SLC13A1: variants seen among roughly 807,000 people sequenced by gnomAD.
SLC13A1 encodes Na(+)/sulfate cotransporter.
SLC13A1 carries 65 observed loss-of-function variants against 70.0 expected under a neutral mutation model. The ratio of observed to expected loss-of-function variants is 0.93; its 90% confidence interval spans 0.76 to 1.14. The LOEUF is 1.14. Among genes scored for constraint, SLC13A1 ranks in the 50% most tolerant of loss-of-function variants. The probability of loss-of-function intolerance (pLI) is 0.00; values close to 1 mark genes in which losing one functional copy is unlikely to be tolerated. For missense variants in SLC13A1, 726 were observed against 717.8 expected, an observed-to-expected ratio of 1.01 and a Z score of -0.13; for synonymous variants, 275 against 250.5, an observed-to-expected ratio of 1.10 and a Z score of -0.92.
chr7:123,173,831 G>A (rs1487513583), intron 2 of SLC13A1, among the ~76,000 whole-genome samples: 2 of 152,070 alleles, frequency 1.3e-5, no homozygotes, highest in Non-Finnish European at 2.9e-5. Flanking sequence ...CAATGAATAA[G>A]CTATGGTCTC....
chr7:123,148,955 G>A (rs769690217), intron 6 of SLC13A1, among the ~76,000 whole-genome samples: 3 of 152,148 alleles, frequency 2.0e-5, no homozygotes, highest in Non-Finnish European at 4.4e-5. Flanking sequence ...AATGGTATTA[G>A]TACTTTCCAG....
At chr7:123,117,688 T>C in intron 13 of SLC13A1, 80 bp from the exon 14 acceptor site, 2 of 824,084 alleles carry the variant, frequency 2.4e-6, no homozygotes, top group Non-Finnish European at 3.7e-6. Context: ...AGTATTACAA[T>C]AAGCCTTCCC....
At chr7:123,138,377 A>T (rs1332425416) in intron 7 of SLC13A1, among the ~76,000 whole-genome samples, 1 of 152,200 alleles carries the variant, frequency 6.6e-6, no homozygotes, top group Non-Finnish European at 1.5e-5. Context: ...TGCAACAAAC[A>T]TGGGAGTGCA....
intron 6 of SLC13A1, among the ~76,000 whole-genome samples, chr7:123,161,920 A>G (rs1341280947): frequency 6.6e-6 from 1 of 151,956 alleles, no homozygotes; most frequent in Non-Finnish European, 1.5e-5. Context: ...ACATTATCTT[A>G]TTTTGTTATT....
At chr7:123,174,101 T>C (rs1028529585) in intron 2 of SLC13A1, among the ~76,000 whole-genome samples, 2 of 152,046 alleles carry the variant, frequency 1.3e-5, no homozygotes, top group African/African-American at 2.4e-5. Flanking sequence ...ATAGTCTTTA[T>C]AGTCTCCTTG....
At chr7:123,189,122 AAAAAAAAAAAG>A (rs1468546455) in intron 1 of SLC13A1, among the ~76,000 whole-genome samples, 2 of 150,342 alleles carry the variant, frequency 1.3e-5, no homozygotes, top group Non-Finnish European at 3.0e-5. Flanking sequence ...CTCAAAAAAA[AAAAAAAAAAAG>A]AAAGAAAATC....
chr7:123,116,316 G>A (rs114273173), intron 14 of SLC13A1, among the ~76,000 whole-genome samples: 252 of 152,178 alleles, frequency 1.7e-3, no homozygotes, highest in African/African-American at 5.8e-3. Flanking sequence ...ATTTGTTTTG[G>A]TAAATAAAGT....
rs28364197 is a variant in SLC13A1 at position 123,169,221 on chromosome 7, A to G, written c.480T>C (p.Asn160=). 2.7e-4 allele frequency: 432 copies of G among 1,613,934 alleles called. 3 individuals carry two copies. Among genetic ancestry groups the G allele is most frequent in the Non-Finnish European group, 4.9e-5 (58 of 1,179,994 alleles). The change falls in exon 4 of 15, where the codon AAT becomes AAC. Residue 160 remains asparagine (N), a synonymous_variant. Transcript: ENST00000194130. The stretch of plus-strand genomic sequence containing the variant: ...GAGTGGCCTCGACCTCTGCTTCTGC[A>G]TTGATGATCTGCTGCACTACAGCCT... The part of the protein sequence containing the change: ...IAEAVVQQII[N]AEAEVEATQM...
chr7:123,156,555 G>A (rs1794723695), intron 6 of SLC13A1, among the ~76,000 whole-genome samples: 1 of 152,100 alleles, frequency 6.6e-6, no homozygotes. Context: ...TGGTCTGCAT[G>A]TTGAGTTTAA....
chr7:123,149,766 A>T (rs1794491125), intron 6 of SLC13A1: 1 of 394,732 alleles, frequency 2.5e-6, no homozygotes, highest in African/African-American at 2.1e-5. Flanking sequence ...CTGTTGAATT[A>T]ATTCTATCTC....
intron 2 of SLC13A1, among the ~76,000 whole-genome samples, chr7:123,178,464 T>G (rs1476292847): frequency 6.6e-6 from 1 of 152,190 alleles, no homozygotes; most frequent in Non-Finnish European, 1.5e-5. Context: ...CTAGTAAGAA[T>G]GCTTGATACT....
At chr7:123,168,304 C>A in intron 6 of SLC13A1, 70 bp downstream of exon 6, 2 of 1,006,426 alleles carry the variant, frequency 2.0e-6, no homozygotes, top group Non-Finnish European at 3.0e-6. Context: ...TTTTAAAATG[C>A]ATATGTATCT....
Position 123,129,324 on chromosome 7 carries a change from C to CTGTGTG in SLC13A1, c.1031+53_1031+58dup, listed in dbSNP as rs3837116. On this transcript the variant is annotated intron_variant, in intron 9 of 14. Coordinates refer to ENST00000194130, the MANE Select transcript of SLC13A1 (RefSeq NM_022444.4). ...AGTGTAAACAGCATTTCTCTCTTCTCTGTGTGTGTGTGTGTGTGTGTGTGT... is the reference window on the plus strand; with the variant it reads ...AGTGTAAACAGCATTTCTCTCTTCTCTGTGTGTGTGTGTGTGTGTGTGTGTGTGTGT... 4.8e-4 allele frequency: 373 copies of CTGTGTG among 781,216 alleles called. 2 individuals carry two copies. The African/African-American group carries it at 6.5e-3, about 14-fold the overall frequency. The allele number at this position is 781,216 out of a possible 1,614,324, so 48.4% of individuals were successfully genotyped here.
chr7:123,185,409 T>A (rs527430717), intron 1 of SLC13A1, among the ~76,000 whole-genome samples: 134 of 152,156 alleles, frequency 8.8e-4, no homozygotes, highest in African/African-American at 3.2e-3. Flanking sequence ...AGTTTCATAG[T>A]TTTTGGTCTT....
At chr7:123,122,373 G>T (rs185284587) in intron 12 of SLC13A1, among the ~76,000 whole-genome samples, 3 of 152,182 alleles carry the variant, frequency 2.0e-5, no homozygotes, top group Admixed American at 6.6e-5. Context: ...TTTCAAATAA[G>T]TCTATGAAAA....
At chr7:123,152,712 G>A (rs966614369) in intron 6 of SLC13A1, among the ~76,000 whole-genome samples, 6 of 151,936 alleles carry the variant, frequency 3.9e-5, no homozygotes, top group African/African-American at 1.5e-4. Context: ...AGCCCACAAA[G>A]GACTCTACGC....
chr7:123,144,075 G>A (rs1794258817), intron 7 of SLC13A1, among the ~76,000 whole-genome samples: 1 of 152,188 alleles, frequency 6.6e-6, no homozygotes, highest in South Asian at 2.1e-4. Context: ...TGTTGAAATG[G>A]TGAAGTCTGA....
At chr7:123,177,207 G>C (rs893497798) in intron 2 of SLC13A1, among the ~76,000 whole-genome samples, 1 of 152,010 alleles carries the variant, frequency 6.6e-6, no homozygotes, top group African/African-American at 2.4e-5. Context: ...AAGCTGTGAG[G>C]CATCTTTGAC....
intron 6 of SLC13A1, among the ~76,000 whole-genome samples, chr7:123,153,576 G>A (rs975445885): frequency 6.6e-6 from 1 of 151,962 alleles, no homozygotes; most frequent in Admixed American, 6.6e-5. Flanking sequence ...AGTAGCAGAG[G>A]GCACTGAGCT....
Sources: allele counts gnomAD v4.1 joint callset (sites outside exome capture counted in the v4.1 genomes callset), GRCh38; gene constraint gnomAD v4.1.1; transcripts MANE v1.5; gene names NCBI Gene and HGNC (gene_info 2026-07-23, HGNC 2026-07-21).